ACOT11: variants seen among roughly 807,000 people sequenced by gnomAD.
ACOT11 encodes the protein acyl-coenzyme A thioesterase 11.
ACOT11 carries 69 observed loss-of-function variants against 77.5 expected under a neutral mutation model. The observed-to-expected ratio is 0.89, with a 90% CI of 0.73 to 1.09. ACOT11 has a LOEUF of 1.09. Among genes scored for constraint, ACOT11 ranks in the 50% least tolerant of loss-of-function variants. The probability of loss-of-function intolerance (pLI) is 0.00; values close to 1 mark genes in which losing one functional copy is unlikely to be tolerated. For missense variants in ACOT11, 766 were observed against 813.7 expected, an observed-to-expected ratio of 0.94 and a Z score of 0.71; for synonymous variants, 279 against 313.0, an observed-to-expected ratio of 0.89 and a Z score of 1.15.
At chr1:54,564,122 C>T (rs542629692) in intron 1 of ACOT11, among the ~76,000 whole-genome samples, 3 of 151,290 alleles carry the variant, frequency 2.0e-5, no homozygotes, top group Admixed American at 1.3e-4. Context: ...GTCTCAGCTA[C>T]TCAGCTACTC....
At chr1:54,614,975 T>A, downstream of ACOT11, 2 of 903,314 alleles carry the variant, frequency 2.2e-6, no homozygotes, top group Non-Finnish European at 3.3e-6. Flanking sequence ...CACAGTGGAG[T>A]CAGGGGAGGG....
rs571214707 is a variant in ACOT11 at position 54,582,928 on chromosome 1, C to G, written c.34-1727C>G. ...CTTTCTGGAATTTCTTCCCAATACC[C>G]CTGGCTATGGGAGGGGTTTGGGAAG... On this transcript the variant is annotated intron_variant, in intron 1 of 15. Transcript: ENST00000343744. 2.0e-5 allele frequency among the ~76,000 whole-genome samples: 3 copies of G among 152,232 alleles called. No individual in the cohort carries two copies. The South Asian group carries it at 6.2e-4, about 32-fold the overall frequency.
chr1:54,592,739 G>T, intron 4 of ACOT11, 133 bp downstream of exon 4: 1 of 841,606 alleles, frequency 1.2e-6, no homozygotes, highest in South Asian at 2.2e-5. Context: ...GTTCTGTAAT[G>T]GTTGGCAGAG....
chr1:54,616,274 A>G, intron 15 of ACOT11: 1 of 1,038,972 alleles, frequency 9.6e-7, no homozygotes, highest in Non-Finnish European at 1.4e-6. Flanking sequence ...TGAGAAATAC[A>G]GAAAAGTGGA....
intron 10 of ACOT11, 66 bp from the exon 11 acceptor site, chr1:54,603,805 C>T: frequency 6.9e-7 from 1 of 1,450,012 alleles, no homozygotes; most frequent in East Asian, 2.3e-5. Flanking sequence ...AGTAGGCCTG[C>T]AGTAGAGTCT....
At chr1:54,612,485 C>T (rs770634381), downstream of ACOT11, 18 of 1,612,768 alleles carry the variant, frequency 1.1e-5, no homozygotes, top group Non-Finnish European at 1.4e-5. Flanking sequence ...GTGGTTTTCA[C>T]CTCTCAGATT....
chr1:54,633,104 G>A (rs749347098), intron 16 of ACOT11, among the ~76,000 whole-genome samples: 2 of 152,164 alleles, frequency 1.3e-5, no homozygotes, highest in Non-Finnish European at 2.9e-5. Flanking sequence ...AAAGTTCCCA[G>A]AAAAACAAAG....
chr1:54,614,623 C>T (rs1291113998), downstream of ACOT11: 17 of 1,450,820 alleles, frequency 1.2e-5, no homozygotes, highest in South Asian at 5.4e-5. Flanking sequence ...CTCAGAGGTC[C>T]CCTAAGATCC....
At chr1:54,588,397 A>G (rs1654581156) in intron 3 of ACOT11, among the ~76,000 whole-genome samples, 1 of 152,228 alleles carries the variant, frequency 6.6e-6, no homozygotes, top group Non-Finnish European at 1.5e-5. Flanking sequence ...CTATGTGGTC[A>G]TAGCTATTAG....
rs373528506 is a variant in ACOT11, at chr1:54,610,268, C to T, written c.*1156C>T. ...CATCACTGTACTCCCTCTCCCTCCC[C>T]GCAACCCTGCCCCACCTTGCATCCA... On this transcript the variant is annotated 3_prime_UTR_variant, in exon 16 of 16. Coordinates refer to ENST00000343744, the MANE Select transcript of ACOT11 (RefSeq NM_147161.4). The T allele has an allele frequency of 9.9e-5, 148 of 1,488,272 alleles. 1 individual carries two copies. The highest frequency in any genetic ancestry group is 6.6e-4 in the East Asian group (28 of 42,606). The allele number at this position is 1,488,272 out of a possible 1,614,324, so 92.2% of individuals were successfully genotyped here. A position where few individuals can be genotyped will look rare whatever the true frequency, so the allele number is the denominator to read the frequency against.
chr1:54,608,094 C>T (rs1341738452), intron 15 of ACOT11, 26 bp downstream of exon 15: 1 of 1,599,468 alleles, frequency 6.3e-7, no homozygotes, highest in African/African-American at 1.3e-5. Context: ...CCAACCACGC[C>T]CCCAGCCTGG....
In ACOT11 at chr1:54,584,839, T is replaced by C; in HGVS notation, c.218T>C (p.Ile73Thr). ...AGCGTCGGGCAGCTGCTCAAGTGGA[T>C]TGACACCACGGCTTGCCTGTCCGGT... ...ELSVGQLLKWIDTTACLSAER... is the reference protein window; with the variant it reads ...ELSVGQLLKWTDTTACLSAER... The change falls in exon 2 of 16, where the codon ATT becomes ACT. Residue 73 changes from isoleucine to threonine, a missense_variant. Coordinates refer to ENST00000343744, the MANE Select transcript of ACOT11 (RefSeq NM_147161.4). This position sits in a 1 kb window ranked among gnomAD's most constrained non-coding sequence, Gnocchi z 6.3. 6.2e-7 allele frequency: 1 copy of C among 1,613,786 alleles called. No homozygotes were observed. Among genetic ancestry groups the C allele is most frequent in the Non-Finnish European group, 8.5e-7 (1 of 1,179,932 alleles).
At chr1:54,624,045 G>T (rs1439666308) in intron 15 of ACOT11, among the ~76,000 whole-genome samples, 6 of 152,194 alleles carry the variant, frequency 3.9e-5, no homozygotes, top group African/African-American at 1.2e-4. Flanking sequence ...ATGGGTTACT[G>T]CAGGCCGGTT....
chr1:54,616,843 G>A (rs998515053), intron 15 of ACOT11, among the ~76,000 whole-genome samples: 4 of 152,172 alleles, frequency 2.6e-5, no homozygotes, highest in Non-Finnish European at 1.5e-5. Context: ...CTACTATGTA[G>A]TTGATCATCC....
At chr1:54,556,705 C>T (rs371502621) in intron 1 of ACOT11, among the ~76,000 whole-genome samples, 1 of 152,036 alleles carries the variant, frequency 6.6e-6, no homozygotes, top group Non-Finnish European at 1.5e-5. Context: ...CCTCAGTCCC[C>T]CGAGTAGCTG....
At chr1:54,628,599 C>CG (rs1477196481) in intron 15 of ACOT11, among the ~76,000 whole-genome samples, 1 of 122,884 alleles carries the variant, frequency 8.1e-6, no homozygotes, top group Admixed American at 8.4e-5. Flanking sequence ...CATCGCCCCC[C>CG]CCCCCCAAAA....
chr1:54,632,553 C>T (rs1433229960), intron 16 of ACOT11, among the ~76,000 whole-genome samples: 2 of 152,050 alleles, frequency 1.3e-5, no homozygotes, highest in Non-Finnish European at 2.9e-5. Context: ...GCCAGGAGAG[C>T]GCATAGCACA....
rs79152476 is a variant in ACOT11, at chr1:54,580,393, G to A, written c.34-4262G>A. 5.9e-5 allele frequency among the ~76,000 whole-genome samples: 9 copies of A among 152,114 alleles called. No homozygotes were observed. In the East Asian group the frequency reaches 9.6e-4, roughly 16 times the overall value. ...ATACCTTCTCCAGAAGTCTTCCATCGTTTCTGGGGACTTCTTGGCCTGGCC... is the reference window on the plus strand; with the variant it reads ...ATACCTTCTCCAGAAGTCTTCCATCATTTCTGGGGACTTCTTGGCCTGGCC... On this transcript the variant is annotated intron_variant, in intron 1 of 15. Coordinates refer to ENST00000343744, the MANE Select transcript of ACOT11 (RefSeq NM_147161.4).
intron 1 of ACOT11, among the ~76,000 whole-genome samples, chr1:54,568,895 A>G (rs1487315066): frequency 2.0e-5 from 3 of 151,780 alleles, no homozygotes; most frequent in Non-Finnish European, 4.4e-5. Context: ...GTGGCTAAAA[A>G]CTTTTTCTTT....
Sources: gnomAD v4.1 joint callset for allele counts (sites outside exome capture counted in the v4.1 genomes callset) on GRCh38, gnomAD v4.1.1 for gene constraint, Gnocchi (gnomAD v3.1) non-coding constraint, MANE v1.5 for transcripts, NCBI Gene and HGNC (gene_info 2026-07-23, HGNC 2026-07-21) for gene names.